Variants in SGCD observed in about 807,000 individuals in gnomAD.
The protein encoded by SGCD is delta-sarcoglycan.
A neutral mutation model predicts 36.6 loss-of-function variants in SGCD; 18 were observed. That is an observed-to-expected ratio of 0.49 (90% CI 0.34 to 0.73). SGCD has a LOEUF of 0.73. SGCD is among the 30% of genes least tolerant of loss of function. The pLI, the probability that SGCD is intolerant of heterozygous loss-of-function variation, is 0.01. For missense variants in SGCD, 387 were observed against 346.7 expected, an observed-to-expected ratio of 1.12 and a Z score of -0.92; for synonymous variants, 133 against 130.6, an observed-to-expected ratio of 1.02 and a Z score of -0.12.
At chr5:156,175,402 TC>T (rs1763440877) in intron 3 of SGCD, among the ~76,000 whole-genome samples, 1 of 141,932 alleles carries the variant, frequency 7.0e-6, no homozygotes, top group African/African-American at 2.6e-5. Flanking sequence ...GTGAGCGCAC[TC>T]TACTTAGAAA....
At chr5:155,906,754 T>C (rs1055979879) in intron 1 of SGCD, among the ~76,000 whole-genome samples, 3 of 152,062 alleles carry the variant, frequency 2.0e-5, no homozygotes, top group Admixed American at 2.0e-4. Context: ...AAAGAAGCCA[T>C]CTCCATGACA....
chr5:155,881,310 A>ATAAATAAATAAATAAATAAC (rs1475214444), intron 1 of SGCD, among the ~76,000 whole-genome samples: 2 of 151,728 alleles, frequency 1.3e-5, no homozygotes, highest in African/African-American at 4.8e-5. Flanking sequence ...AAATAAATAA[A>ATAAATAAATAAATAAATAAC]TAAATAAATA....
chr5:155,950,676 C>T (rs1757531779), intron 1 of SGCD, among the ~76,000 whole-genome samples: 1 of 152,112 alleles, frequency 6.6e-6, no homozygotes, highest in Non-Finnish European at 1.5e-5. Context: ...CTTCCAGGCC[C>T]CTGTATACCT....
chr5:155,897,334 C>T (rs764765126), intron 1 of SGCD, among the ~76,000 whole-genome samples: 81 of 152,184 alleles, frequency 5.3e-4, no homozygotes, highest in Middle Eastern at 3.4e-3. Flanking sequence ...GGGCACTTAC[C>T]ATGAATGGAG....
chr5:156,474,567 A>G (rs2312183), intron 3 of SGCD, among the ~76,000 whole-genome samples: 67,311 of 152,128 alleles, frequency 0.44, 14,989 homozygotes, highest in Middle Eastern at 0.67. Context: ...CTTTAGTGAG[A>G]TTGGAGATGC....
intron 6 of SGCD, among the ~76,000 whole-genome samples, chr5:156,599,196 G>A (rs952072102): frequency 1.3e-5 from 2 of 152,192 alleles, no homozygotes; most frequent in Non-Finnish European, 2.9e-5. Context: ...TCAGCATAAT[G>A]AGAAGTTTGT....
At chr5:156,587,694 T>C (rs1279955487) in intron 4 of SGCD, among the ~76,000 whole-genome samples, 1 of 151,962 alleles carries the variant, frequency 6.6e-6, no homozygotes, top group Non-Finnish European at 1.5e-5. Flanking sequence ...ATGACTTTCT[T>C]TTTTCATTTC....
At chr5:156,411,784 A>G (rs906523793) in intron 3 of SGCD, among the ~76,000 whole-genome samples, 1 of 152,216 alleles carries the variant, frequency 6.6e-6, no homozygotes, top group African/African-American at 2.4e-5. Context: ...CACATACACC[A>G]AAAACTTTGT....
intron 3 of SGCD, among the ~76,000 whole-genome samples, chr5:156,289,466 A>AC (rs1239585129): frequency 6.9e-6 from 1 of 144,916 alleles, no homozygotes; most frequent in South Asian, 2.3e-4. Flanking sequence ...TCCACCCCTC[A>AC]CCCCCCACAG....
chr5:156,231,400 G>A (rs1465653834), intron 3 of SGCD, among the ~76,000 whole-genome samples: 1 of 152,122 alleles, frequency 6.6e-6, no homozygotes, highest in African/African-American at 2.4e-5. Flanking sequence ...GCCGGGCATG[G>A]TGGCACGTGC....
intron 2 of SGCD, among the ~76,000 whole-genome samples, chr5:156,330,900 A>C (rs973136834): frequency 6.6e-6 from 1 of 152,206 alleles, no homozygotes; most frequent in African/African-American, 2.4e-5. Flanking sequence ...ATCATCTCCA[A>C]AATGTGTCCC....
intron 3 of SGCD, among the ~76,000 whole-genome samples, chr5:156,217,966 C>A (rs934722410): frequency 5.9e-5 from 9 of 152,062 alleles, no homozygotes; most frequent in Middle Eastern, 3.4e-3. Flanking sequence ...TTAATAACAG[C>A]CTTAGACTTA....
At chr5:155,773,205 A>G in the SGCD span, among the ~76,000 whole-genome samples, 2 of 152,174 alleles carry the variant, frequency 1.3e-5, no homozygotes, top group Non-Finnish European at 2.9e-5. Flanking sequence ...AAAGTGAAGT[A>G]GTACCCTTTA....
intron 2 of SGCD, among the ~76,000 whole-genome samples, chr5:156,330,698 G>A (rs1768028639): frequency 1.3e-5 from 2 of 152,132 alleles, no homozygotes; most frequent in African/African-American, 4.8e-5. Context: ...ACATTCCATG[G>A]TGAGGACTTC....
At chr5:156,367,454 A>G (rs1406856312) in intron 3 of SGCD, among the ~76,000 whole-genome samples, 1 of 152,264 alleles carries the variant, frequency 6.6e-6, no homozygotes, top group Non-Finnish European at 1.5e-5. Flanking sequence ...TTATTCAAAA[A>G]TAATAGGCAG....
intron 4 of SGCD, among the ~76,000 whole-genome samples, chr5:156,571,999 A>C (rs1192871044): frequency 6.6e-6 from 1 of 152,214 alleles, no homozygotes; most frequent in Non-Finnish European, 1.5e-5. Context: ...ATAGTATCAT[A>C]TAGTATGTGG....
At chr5:155,769,610 C>T in the SGCD span, among the ~76,000 whole-genome samples, 1 of 152,086 alleles carries the variant, frequency 6.6e-6, no homozygotes, top group African/African-American at 2.4e-5. Context: ...TTCCCACATC[C>T]CCCAGTTTTT....
intron 6 of SGCD, among the ~76,000 whole-genome samples, chr5:156,608,532 TGGA>T (rs1314849788): frequency 1.3e-5 from 2 of 152,322 alleles, no homozygotes; most frequent in East Asian, 3.9e-4. Context: ...TGATTTGGGG[TGGA>T]GAGTTCTGTA....
chr5:155,985,676 C>T (rs1045174772), intron 1 of SGCD, among the ~76,000 whole-genome samples: 26 of 152,096 alleles, frequency 1.7e-4, no homozygotes, highest in African/African-American at 5.6e-4. Flanking sequence ...CTGCAGATGT[C>T]GCAGAATTTG....
Sources: gnomAD v4.1 joint callset for allele counts (sites outside exome capture counted in the v4.1 genomes callset) on GRCh38, gnomAD v4.1.1 for gene constraint, MANE v1.5 for transcripts, NCBI Gene and HGNC (gene_info 2026-07-23, HGNC 2026-07-21) for gene names.